The following IGBP1C variants were observed in gnomAD, a reference collection of about 807,000 sequenced individuals.
The protein encoded by IGBP1C is immunoglobulin-binding protein 1 family member C.
At chr17:58,686,294 AT>A in the IGBP1C span, among the ~76,000 whole-genome samples, 1 of 152,130 alleles carries the variant, frequency 6.6e-6, no homozygotes, top group African/African-American at 2.4e-5. Context: ...GTGAGATATG[AT>A]TATGCAGAGT....
At chr17:58,663,459 A>C in the IGBP1C span, among the ~76,000 whole-genome samples, 1 of 151,596 alleles carries the variant, frequency 6.6e-6, no homozygotes, top group South Asian at 2.1e-4. Context: ...TGCCAATGTA[A>C]CTGAATCTAA....
the IGBP1C span, chr17:58,661,125 C>T: frequency 4.1e-4 from 368 of 891,754 alleles, no homozygotes; most frequent in Non-Finnish European, 8.1e-5. Flanking sequence ...TCTATTTTAG[C>T]CTGTCTTTGA....
At chr17:58,682,412 C>T in the IGBP1C span, among the ~76,000 whole-genome samples, 1 of 152,066 alleles carries the variant, frequency 6.6e-6, no homozygotes, top group African/African-American at 2.4e-5. Context: ...CACATGCCAC[C>T]ATGCCCGGCT....
chr17:58,680,917 CT>C, the IGBP1C span, among the ~76,000 whole-genome samples: 2 of 152,056 alleles, frequency 1.3e-5, no homozygotes, highest in Admixed American at 6.6e-5. Flanking sequence ...GAGTTTATAA[CT>C]TTTTTTTCCT....
the IGBP1C span, among the ~76,000 whole-genome samples, chr17:58,684,882 A>G: frequency 2.0e-5 from 3 of 152,092 alleles, no homozygotes; most frequent in Admixed American, 6.6e-5. Flanking sequence ...AGGCTGTGGC[A>G]TAAGAATTGC....
the IGBP1C span, among the ~76,000 whole-genome samples, chr17:58,675,838 G>A: frequency 6.6e-6 from 1 of 152,138 alleles, no homozygotes; most frequent in Non-Finnish European, 1.5e-5. Context: ...TTGTTCTGTC[G>A]CCTGGGCCTC....
the IGBP1C span, among the ~76,000 whole-genome samples, chr17:58,678,162 A>G: frequency 5.9e-5 from 9 of 152,170 alleles, no homozygotes; most frequent in Non-Finnish European, 1.3e-4. Flanking sequence ...GGGGGAAAAA[A>G]AAGGGAAGTT....
At chr17:58,681,828 A>G in the IGBP1C span, among the ~76,000 whole-genome samples, 1 of 152,060 alleles carries the variant, frequency 6.6e-6, no homozygotes, top group African/African-American at 2.4e-5. Context: ...GGGTGACAGC[A>G]GGAAACTCTT....
the IGBP1C span, chr17:58,661,112 C>T: frequency 1.1e-6 from 1 of 923,368 alleles, no homozygotes; most frequent in Non-Finnish European, 1.8e-6. Flanking sequence ...CTGCTTGTAT[C>T]GCTCTATTTT....
chr17:58,677,092 C>G, the IGBP1C span, among the ~76,000 whole-genome samples: 4 of 146,352 alleles, frequency 2.7e-5, no homozygotes, highest in Non-Finnish European at 6.0e-5. Flanking sequence ...GCACTCCAGC[C>G]TGGGCAACAA....
chr17:58,687,941 CCT>C, the IGBP1C span, among the ~76,000 whole-genome samples: 2 of 152,006 alleles, frequency 1.3e-5, no homozygotes, highest in African/African-American at 2.4e-5. Context: ...TCTTGTTTAC[CCT>C]GTCATCTGGC....
chr17:58,680,106 G>T, the IGBP1C span, among the ~76,000 whole-genome samples: 2 of 151,950 alleles, frequency 1.3e-5, no homozygotes, highest in Non-Finnish European at 2.9e-5. Context: ...CAGAGACAAA[G>T]TCTTGCTTTG....
At chr17:58,668,888 G>A in the IGBP1C span, among the ~76,000 whole-genome samples, 1 of 152,126 alleles carries the variant, frequency 6.6e-6, no homozygotes, top group African/African-American at 2.4e-5. Context: ...AGTTTGAGAA[G>A]CTGTAGGGTG....
At chr17:58,685,115 T>C in the IGBP1C span, among the ~76,000 whole-genome samples, 23 of 152,274 alleles carry the variant, frequency 1.5e-4, no homozygotes, top group Non-Finnish European at 2.5e-4. Flanking sequence ...CTTCTAAACA[T>C]GTTACCAAAG....
the IGBP1C span, among the ~76,000 whole-genome samples, chr17:58,681,747 G>C: frequency 1.3e-5 from 2 of 152,018 alleles, no homozygotes; most frequent in Non-Finnish European, 2.9e-5. Flanking sequence ...GGAGGCTGAT[G>C]AAGGAGAATC....
At chr17:58,667,286 T>C in the IGBP1C span, among the ~76,000 whole-genome samples, 1 of 152,208 alleles carries the variant, frequency 6.6e-6, no homozygotes, top group South Asian at 2.1e-4. Context: ...GCGTTCACAA[T>C]GCAAGACTTT....
the IGBP1C span, chr17:58,660,464 C>G: frequency 1.7e-6 from 1 of 590,378 alleles, no homozygotes; most frequent in Non-Finnish European, 3.1e-6. Context: ...CAACATTAAG[C>G]ATCTTTGCCT....
chr17:58,689,321 A>T, the IGBP1C span, among the ~76,000 whole-genome samples: 1 of 151,074 alleles, frequency 6.6e-6, no homozygotes, highest in Non-Finnish European at 1.5e-5. Flanking sequence ...CCTGGGTTCA[A>T]GCTATTCTCC....
At chr17:58,690,756 G>C in the IGBP1C span, among the ~76,000 whole-genome samples, 1 of 152,130 alleles carries the variant, frequency 6.6e-6, no homozygotes, top group African/African-American at 2.4e-5. Context: ...CTACCAAATG[G>C]GGTATAAATG....
Sources: gnomAD v4.1 joint callset for allele counts (sites outside exome capture counted in the v4.1 genomes callset) on GRCh38, gnomAD v4.1.1 for gene constraint, MANE v1.5 for transcripts, NCBI Gene and HGNC (gene_info 2026-07-23, HGNC 2026-07-21) for gene names.